The following KIFC2 variants were observed in gnomAD, a reference collection of about 807,000 sequenced individuals.
KIFC2 encodes kinesin family member C2.
Under a neutral mutation model 91.5 loss-of-function variants are expected in KIFC2, and 94 were observed. The ratio of observed to expected loss-of-function variants is 1.03; its 90% CI spans 0.87 to 1.22. The LOEUF (loss-of-function observed/expected upper bound fraction) is 1.22. Among genes scored for constraint, KIFC2 ranks in the 50% most tolerant of loss-of-function variants. The probability of loss-of-function intolerance (pLI) is 0.00; values close to 1 mark genes in which losing one functional copy is unlikely to be tolerated. For synonymous variants in KIFC2, 729 were observed against 503.9 expected (o/e 1.45, Z -5.98); for missense variants, 1,357 against 1,103.3 (o/e 1.23, Z -3.26).
intron 12 of KIFC2, among the ~76,000 whole-genome samples, chr8:144,470,831 C>G (rs993882428): frequency 2.0e-5 from 3 of 152,248 alleles, no homozygotes; most frequent in Admixed American, 1.3e-4. Flanking sequence ...GGTGCACTGC[C>G]ACAAGTGTTC....
Position 144,473,715 on chromosome 8 carries a change from A to C in KIFC2, c.*326A>C. The C allele has an allele frequency of 2.2e-6, 1 of 458,474 alleles. No homozygotes were observed. The highest frequency in any genetic ancestry group is 3.8e-6 in the Non-Finnish European group (1 of 261,568). The allele number at this position is 458,474 out of a possible 1,614,324, so 28.4% of individuals were successfully genotyped here. On this transcript the variant is annotated 3_prime_UTR_variant, in exon 18 of 18. Transcript: ENST00000645548. ...TTACCCAAGTCACCACTCCTGACCC[A>C]AAAATCAGGCATGGCATTAAAACGT... is the stretch of plus-strand genomic sequence containing the variant.
chr8:144,468,823 G>C lies in KIFC2; in HGVS notation c.1102G>C (p.Ala368Pro). The change falls in exon 10 of 18, where the codon GCC (alanine) becomes CCC (proline). Residue 368 changes from alanine to proline, a missense_variant. By Grantham distance (27) the Ala-to-Pro change is conservative. Transcript: ENST00000645548. ...GAGCTGTCAGGGTTCGCTGAGTGAG[G>C]CCCGGGGCCAGGTCAGGACCCCTCC... ...TQSCQGSLSE[A>P]RGQVSWALGA... The C allele has an allele frequency of 6.2e-7, 1 of 1,613,686 alleles. No individual in the cohort carries two copies.
Position 144,468,586 on chromosome 8 carries a change from G to C in KIFC2, c.939G>C (p.Gln313His). ...AGGGCCTTCAAGGGGCCCTCCAGCA[G>C]CTCCAGCAGGAGACGGAGCAGAACT... ...QLQGLQGALQ[Q>H]LQQETEQNCR... The change falls in exon 9 of 18, where the codon CAG becomes CAC. Residue 313 changes from glutamine (Q) to histidine (H), a missense_variant. Transcript: ENST00000645548. 6.2e-7 allele frequency: 1 copy of C among 1,611,148 alleles called. No homozygotes were observed. Among genetic ancestry groups the C allele is most frequent in the Non-Finnish European group, 8.5e-7 (1 of 1,178,698 alleles).
rs758894921 is a variant in KIFC2 at position 144,467,920 on chromosome 8, A to T, written c.743A>T (p.Gln248Leu). 3.1e-6 allele frequency: 5 copies of T among 1,612,100 alleles called. No homozygotes were observed. The African/African-American group carries it at 5.3e-5, about 17-fold the overall frequency. Reference protein sequence around the residue: ...HLTLENEALKQSLSLMRDLLL... With the variant: ...HLTLENEALKLSLSLMRDLLL... ...ACTCTGGAGAACGAGGCCCTGAAGCAGAGCCTGAGTCTCATGCGGGACCTC... is the reference window on the plus strand; with the variant it reads ...ACTCTGGAGAACGAGGCCCTGAAGCTGAGCCTGAGTCTCATGCGGGACCTC... The change falls in exon 7 of 18, where the codon CAG (glutamine) becomes CTG (leucine). Residue 248 changes from glutamine to leucine, a missense_variant. By Grantham distance (113) the Gln-to-Leu change is moderately radical. Coordinates refer to ENST00000645548, the MANE Select transcript of KIFC2 (RefSeq NM_001369769.2).
At chr8:144,469,143 G>A (rs925597525) in intron 10 of KIFC2, 128 bp from the exon 11 acceptor site, 2 of 772,948 alleles carry the variant, frequency 2.6e-6, no homozygotes, top group Non-Finnish European at 4.3e-6. Context: ...CAGAGCCACT[G>A]AAAGTTGTGG....
At chr8:144,466,880 G>A in intron 2 of KIFC2, 42 bp downstream of exon 2, 1 of 1,539,086 alleles carries the variant, frequency 6.5e-7, no homozygotes, top group Non-Finnish European at 8.7e-7. Flanking sequence ...GGGCGGTGCC[G>A]GGACCTCCCA....
chr8:144,468,743 C>G lies in KIFC2; in HGVS notation c.1022C>G (p.Ala341Gly), dbSNP rs1009916725. The change falls in exon 10 of 18, where the codon GCC (alanine) becomes GGC (glycine). Residue 341 changes from alanine (A) to glycine (G), a missense_variant. Ala to Gly is a moderately conservative substitution (Grantham distance 60). Transcript: ENST00000645548. ...GQLAGLRARM[A>G]SLRQGCGDLR... ...TCTCCAGGACTTCGGGCACGGATGG[C>G]CAGCCTGCGTCAGGGCTGCGGGGAC... 4 of 1,613,920 alleles carry G rather than the reference C, an allele frequency of 2.5e-6. No homozygotes were observed. The African/African-American group carries it at 4.0e-5, about 16-fold the overall frequency.
Position 144,467,240 on chromosome 8 carries a change from A to T in KIFC2, c.368A>T (p.Gln123Leu). 1 of 1,613,642 alleles carries T rather than the reference A, an allele frequency of 6.2e-7. No homozygotes were observed. The highest frequency in any genetic ancestry group is 1.3e-5 in the African/African-American group (1 of 75,064). Residue 123 changes from glutamine (Q) to leucine (L), a missense_variant, in exon 4 of 18, where the codon CAG becomes CTG. Gln to Leu is a moderately radical substitution (Grantham distance 113, BLOSUM62 -2). Coordinates refer to ENST00000645548, the MANE Select transcript of KIFC2 (RefSeq NM_001369769.2). ...CCCTCACTGTTGACAGTGACCAGTC[A>T]GCTCTTGGCCCTTCTGGCATGGCTT... ...EVPSLLTVTS[Q>L]LLALLAWLRS...
intron 4 of KIFC2, 53 bp downstream of exon 4, chr8:144,467,394 T>C: frequency 6.5e-7 from 1 of 1,550,188 alleles, no homozygotes; most frequent in Non-Finnish European, 8.7e-7. Context: ...CAAATCCCGG[T>C]AGAACCTGGG....
At position 144,474,004 on chromosome 8, in the gene KIFC2, G is replaced by A. The variant is rs2130032696; in HGVS notation, c.*615G>A. The A allele has an allele frequency of 1.8e-6, 1 of 570,208 alleles. No homozygotes were observed. Among genetic ancestry groups the A allele is most frequent in the Non-Finnish European group, 3.1e-6 (1 of 321,910 alleles). 35.3% of individuals were successfully genotyped at this position (570,208 alleles called of 1,614,324 possible). A position where few individuals can be genotyped will look rare whatever the true frequency, so the allele number is the denominator to read the frequency against. On this transcript the variant is annotated 3_prime_UTR_variant, in exon 18 of 18. Transcript: ENST00000645548. ...CTATTCCAGGCTCAGCCCTGCTCCT[G>A]CAGCTTTGCCGCTGAGTGTAGGAAA...
rs770034199 is a variant in KIFC2, at chr8:144,467,754, A to T, written c.656A>T (p.Glu219Val). Residue 219 changes from glutamate (E) to valine (V), a missense_variant, in exon 6 of 18, where the codon GAG becomes GTG. Glu to Val is a moderately radical substitution (Grantham distance 121, BLOSUM62 -2). Coordinates refer to ENST00000645548, the MANE Select transcript of KIFC2 (RefSeq NM_001369769.2). The stretch of plus-strand genomic sequence containing the variant: ...CAGCAGCTGGAACAGCAGGAGGAGG[A>T]GTTGGGTCGACTGCGCCTGGGCGTG... Reference protein sequence around the residue: ...LKQQLEQQEEELGRLRLGVGA... With the variant: ...LKQQLEQQEEVLGRLRLGVGA... The T allele has an allele frequency of 1.2e-6, 2 of 1,613,720 alleles. No homozygotes were observed. Among genetic ancestry groups the T allele is most frequent in the South Asian group, 1.1e-5 (1 of 91,064 alleles).
At chr8:144,468,445 G>A (rs1291089516) in intron 8 of KIFC2, 39 bp downstream of exon 8, 2 of 1,602,114 alleles carry the variant, frequency 1.2e-6, no homozygotes, top group South Asian at 1.1e-5. Flanking sequence ...TCAGGGGTGA[G>A]GCGGGCTGGG....
At chr8:144,467,143 C>A in intron 3 of KIFC2, 33 bp downstream of exon 3, 2 of 1,611,098 alleles carry the variant, frequency 1.2e-6, no homozygotes, top group Admixed American at 1.7e-5. Context: ...CTGGCAGGTA[C>A]CACCTGCCCC....
In KIFC2 at chr8:144,468,761, G is replaced by A; in HGVS notation, c.1040G>A (p.Cys347Tyr). The change falls in exon 10 of 18, where the codon TGC becomes TAC. Residue 347 changes from cysteine (C) to tyrosine (Y), a missense_variant. By Grantham distance (194) the Cys-to-Tyr change is radical. Coordinates refer to ENST00000645548, the MANE Select transcript of KIFC2 (RefSeq NM_001369769.2). ...CGGATGGCCAGCCTGCGTCAGGGCTGCGGGGACCTCCGAGGTTTGGTCAGC... is the reference window on the plus strand; with the variant it reads ...CGGATGGCCAGCCTGCGTCAGGGCTACGGGGACCTCCGAGGTTTGGTCAGC... ...RARMASLRQG[C>Y]GDLRGLVSTF... 6.2e-7 allele frequency: 1 copy of A among 1,614,086 alleles called. No individual in the cohort carries two copies. Among genetic ancestry groups the A allele is most frequent in the Non-Finnish European group, 8.5e-7 (1 of 1,180,020 alleles).
rs760362727 is a variant in KIFC2 at position 144,468,622 on chromosome 8, G to A, written c.975G>A (p.Glu325=). 6.2e-7 allele frequency: 1 copy of A among 1,613,502 alleles called. No individual in the cohort carries two copies. The highest frequency in any genetic ancestry group is 1.1e-5 in the South Asian group (1 of 91,052). ...QQETEQNCRR[E]LQQMHGQLAG... is the part of the protein sequence containing the mutation. ...AGACGGAGCAGAACTGCAGGCGTGA[G>A]CTACAGCAGATGCATGGGCAGCTGG... Residue 325 remains glutamate, a synonymous_variant, in exon 9 of 18, where the codon GAG becomes GAA. Transcript: ENST00000645548.
rs757437856 is a variant in KIFC2 at position 144,469,660 on chromosome 8, C to T, written c.1380+13C>T. On this transcript the variant is annotated intron_variant, in intron 12 of 17. Transcript: ENST00000645548. ...CAGCCAGGAGGAGGTGACAGCCTGCCTTTGCAGCCATCCTGACCCTTTTTC... is the reference window on the plus strand; with the variant it reads ...CAGCCAGGAGGAGGTGACAGCCTGCTTTTGCAGCCATCCTGACCCTTTTTC... 19 of 1,581,362 alleles carry T rather than the reference C, an allele frequency of 1.2e-5. No homozygotes were observed. In the Admixed American group the frequency reaches 1.8e-4, roughly 15 times the overall value.
intron 4 of KIFC2, 58 bp from the exon 5 acceptor site, chr8:144,467,427 T>A: frequency 6.5e-7 from 1 of 1,542,150 alleles, no homozygotes; most frequent in African/African-American, 1.4e-5. Flanking sequence ...CGGGGTCATG[T>A]TCCGGAAGAT....
chr8:144,469,248 T>C lies in KIFC2; in HGVS notation c.1114-23T>C, dbSNP rs1001921388. ...CAGCTCCTTGGCTGACCCCTTGCCT[T>C]CTGTACATCCCTGTTCCCTCAGGTG... On this transcript the variant is annotated intron_variant, in intron 10 of 17. Coordinates refer to ENST00000645548, the MANE Select transcript of KIFC2 (RefSeq NM_001369769.2). 1.9e-6 allele frequency: 3 copies of C among 1,562,500 alleles called. No individual in the cohort carries two copies. The African/African-American group carries it at 4.0e-5, about 21-fold the overall frequency.
intron 6 of KIFC2, 29 bp from the exon 7 acceptor site, chr8:144,467,830 G>T: frequency 6.2e-7 from 1 of 1,613,508 alleles, no homozygotes; most frequent in Non-Finnish European, 8.5e-7. Flanking sequence ...GGGTGCTTCA[G>T]GTGAGTGCCG....
Sources: gnomAD v4.1 joint callset for allele counts (sites outside exome capture counted in the v4.1 genomes callset) on GRCh38, gnomAD v4.1.1 for gene constraint, MANE v1.5 for transcripts, NCBI Gene and HGNC (gene_info 2026-07-23, HGNC 2026-07-21) for gene names.